Variants in SLC36A2 observed in about 807,000 individuals in gnomAD.
SLC36A2 encodes the protein solute carrier family 36 member 2.
SLC36A2 carries 39 observed loss-of-function variants against 42.7 expected under a neutral mutation model. That is an observed-to-expected ratio of 0.91 (90% CI 0.71 to 1.19). The LOEUF (loss-of-function observed/expected upper bound fraction) is 1.19. SLC36A2 is among the 50% of genes most tolerant of loss of function. SLC36A2 has a pLI of 0.00. For missense variants in SLC36A2, 590 were observed against 613.7 expected (o/e 0.96, Z 0.41); for synonymous variants, 237 against 240.8 (o/e 0.98, Z 0.15).
At chr5:151,341,613 AG>A in intron 4 of SLC36A2, among the ~76,000 whole-genome samples, 1 of 152,166 alleles carries the variant, frequency 6.6e-6, no homozygotes, top group Non-Finnish European at 1.5e-5. Context: ...GAGAGCTAAA[AG>A]GTGGGATTTT....
rs554389994 is a variant in SLC36A2, at chr5:151,321,569, T to C, written c.1180+477A>G. 4.6e-5 allele frequency among the ~76,000 whole-genome samples: 7 copies of C among 152,270 alleles called. No homozygotes were observed. The South Asian group carries it at 1.4e-3, about 32-fold the overall frequency. ...CTGTCTAATTAGGTACATGTAAGAA[T>C]GGGGTTGTTTAGATGAGTGAATACT... On this transcript the variant is annotated intron_variant, in intron 9 of 9. Transcript: ENST00000335244.
At chr5:151,334,813 A>G (rs1756100369) in intron 6 of SLC36A2, among the ~76,000 whole-genome samples, 1 of 152,250 alleles carries the variant, frequency 6.6e-6, no homozygotes, top group African/African-American at 2.4e-5. Context: ...ACATTATAAT[A>G]GATTTGCTTA....
chr5:151,347,434 A>G lies in SLC36A2; in HGVS notation c.27T>C (p.Gly9=). The G allele has an allele frequency of 6.2e-7, 1 of 1,614,060 alleles. No individual in the cohort carries two copies. Among genetic ancestry groups the G allele is most frequent in the Non-Finnish European group, 8.5e-7 (1 of 1,180,018 alleles). The change falls in exon 1 of 10, where the codon GGT becomes GGC. Residue 9 remains glycine, a synonymous_variant. Coordinates refer to ENST00000335244, the MANE Select transcript of SLC36A2 (RefSeq NM_181776.3). The part of the protein sequence containing the change: MSVTKSTE[G]PQGAVAIKLD... ...ATTTGATGGCAACGGCTCCCTGGGG[A>G]CCCTCAGTACTTTTTGTCACAGACA...
intron 8 of SLC36A2, 53 bp downstream of exon 8, chr5:151,325,233 A>G (rs1348879128): frequency 6.3e-7 from 1 of 1,591,302 alleles, no homozygotes; most frequent in Non-Finnish European, 8.6e-7. Context: ...GAAGTGACCT[A>G]TACGTTTCCA....
rs58446194 is a variant in SLC36A2, at chr5:151,323,254, G to GATAAATAAATAA, written c.1011-1051_1011-1040dup. ...TGTCTCAAAAATAAATAGATAGATA[G>GATAAATAAATAA]ATAAATAAATAAATAAATAAATAAA... On this transcript the variant is annotated intron_variant, in intron 8 of 9. Coordinates refer to ENST00000335244, the MANE Select transcript of SLC36A2 (RefSeq NM_181776.3). 7.9e-3 allele frequency among the ~76,000 whole-genome samples: 1,111 copies of GATAAATAAATAA among 141,466 alleles called. 8 individuals are homozygous for GATAAATAAATAA. The highest frequency in any genetic ancestry group is 0.015 in the African/African-American group (519 of 35,154). The allele number at this position is 141,466 out of a possible 152,430, so 92.8% of individuals were successfully genotyped here. A position where few individuals can be genotyped will look rare whatever the true frequency, so the allele number is the denominator to read the frequency against.
intron 1 of SLC36A2, among the ~76,000 whole-genome samples, chr5:151,345,131 G>A (rs1210705557): frequency 1.3e-5 from 2 of 152,104 alleles, no homozygotes; most frequent in Admixed American, 6.5e-5. Flanking sequence ...CTCTATTAGC[G>A]GAATTACAAA....
intron 4 of SLC36A2, among the ~76,000 whole-genome samples, chr5:151,340,468 G>A (rs1483732795): frequency 2.6e-5 from 4 of 152,178 alleles, no homozygotes; most frequent in Admixed American, 2.6e-4. Flanking sequence ...CCTTGCAAAG[G>A]CAGAGCAGTG....
chr5:151,315,785 C>T lies in SLC36A2; in HGVS notation c.*1032G>A, dbSNP rs901744929. The T allele has an allele frequency of 6.6e-6, 1 of 152,210 alleles. No homozygotes were observed. Among genetic ancestry groups the T allele is most frequent in the African/African-American group, 2.4e-5 (1 of 41,448 alleles). 9.4% of individuals were successfully genotyped at this position (152,210 alleles called of 1,614,324 possible). ...ATTCTACAAAATCTTGTTTGGCACACAGTAGGTAATCAAGAATGCATGTTG... is the reference window on the plus strand; with the variant it reads ...ATTCTACAAAATCTTGTTTGGCACATAGTAGGTAATCAAGAATGCATGTTG... On this transcript the variant is annotated 3_prime_UTR_variant, in exon 10 of 10. Coordinates refer to ENST00000335244, the MANE Select transcript of SLC36A2 (RefSeq NM_181776.3).
At chr5:151,346,272 TC>T (rs1169382854) in intron 1 of SLC36A2, among the ~76,000 whole-genome samples, 1 of 152,136 alleles carries the variant, frequency 6.6e-6, no homozygotes, top group African/African-American at 2.4e-5. Flanking sequence ...CTTAGCAACT[TC>T]CAGGACTAGC....
chr5:151,323,161 G>C (rs934415995), intron 8 of SLC36A2, among the ~76,000 whole-genome samples: 4 of 152,104 alleles, frequency 2.6e-5, no homozygotes, highest in African/African-American at 9.7e-5. Flanking sequence ...CTTGAACCCG[G>C]GAGGTAGAGG....
chr5:151,347,210 G>A, intron 1 of SLC36A2, 87 bp downstream of exon 1: 5 of 1,509,782 alleles, frequency 3.3e-6, no homozygotes, highest in Non-Finnish European at 4.6e-6. Context: ...AGTGGGTTGA[G>A]GGTCAGACAC....
At chr5:151,330,056 T>G (rs567286656) in intron 7 of SLC36A2, among the ~76,000 whole-genome samples, 12 of 152,148 alleles carry the variant, frequency 7.9e-5, no homozygotes, top group African/African-American at 1.9e-4. Flanking sequence ...ACCAATGTCC[T>G]ATATATGCTA....
chr5:151,324,947 T>C (rs1327655003), intron 8 of SLC36A2, among the ~76,000 whole-genome samples: 2 of 152,184 alleles, frequency 1.3e-5, no homozygotes, highest in Non-Finnish European at 2.9e-5. Flanking sequence ...CTATGGGAAG[T>C]GTGGCCACCT....
At chr5:151,340,371 C>G (rs957163684) in intron 4 of SLC36A2, among the ~76,000 whole-genome samples, 14 of 152,164 alleles carry the variant, frequency 9.2e-5, no homozygotes, top group African/African-American at 3.4e-4. Context: ...GAATCTGAAT[C>G]TTTGAACTTG....
At chr5:151,346,411 C>T (rs1756498440) in intron 1 of SLC36A2, among the ~76,000 whole-genome samples, 1 of 152,206 alleles carries the variant, frequency 6.6e-6, no homozygotes, top group African/African-American at 2.4e-5. Context: ...CCCCGAGAAA[C>T]ACATCCTCCG....
chr5:151,326,355 G>A (rs1162407669), intron 7 of SLC36A2, among the ~76,000 whole-genome samples: 1 of 151,874 alleles, frequency 6.6e-6, no homozygotes, highest in African/African-American at 2.4e-5. Flanking sequence ...GCCTTCCAAA[G>A]GCATTTGGGT....
At chr5:151,341,814 A>G (rs149966185) in intron 4 of SLC36A2, among the ~76,000 whole-genome samples, 4 of 152,222 alleles carry the variant, frequency 2.6e-5, no homozygotes, top group African/African-American at 9.6e-5. Flanking sequence ...AGACATCTCC[A>G]CTTAAATGTT....
At chr5:151,344,084 T>A in intron 2 of SLC36A2, 93 bp downstream of exon 2, 1 of 1,165,370 alleles carries the variant, frequency 8.6e-7, no homozygotes, top group African/African-American at 1.5e-5. Flanking sequence ...CCAGAAAGAC[T>A]GCTCACCACA....
chr5:151,343,710 C>G (rs1318283923), intron 2 of SLC36A2, 112 bp from the exon 3 acceptor site: 1 of 957,268 alleles, frequency 1.0e-6, no homozygotes, highest in Non-Finnish European at 1.6e-6. Flanking sequence ...AAAGAACTCT[C>G]TAGCAAACTG....
Sources: allele counts gnomAD v4.1 joint callset (sites outside exome capture counted in the v4.1 genomes callset), GRCh38; gene constraint gnomAD v4.1.1; transcripts MANE v1.5; gene names NCBI Gene and HGNC (gene_info 2026-07-23, HGNC 2026-07-21).